Variants in CDC27 observed in about 807,000 individuals in gnomAD.
CDC27 encodes cell division cycle 27.
Under a neutral mutation model 109.7 loss-of-function variants are expected in CDC27, and 27 were observed. The observed-to-expected ratio is 0.25, with a 90% CI of 0.18 to 0.34. The LOEUF is 0.34. Among genes scored for constraint, CDC27 ranks in the 10% least tolerant of loss-of-function variants. CDC27 has a pLI of 1.00. For missense variants in CDC27, 579 were observed against 960.2 expected, an observed-to-expected ratio of 0.60 and a Z score of 5.25; for synonymous variants, 266 against 333.9, an observed-to-expected ratio of 0.80 and a Z score of 2.22.
At chr17:47,174,438 A>C (rs1350097576) in intron 2 of CDC27, among the ~76,000 whole-genome samples, 1 of 152,202 alleles carries the variant, frequency 6.6e-6, no homozygotes, top group Non-Finnish European at 1.5e-5. Context: ...AGAAACAGTT[A>C]TAGATGTTTG....
In CDC27 at chr17:47,132,390, A is replaced by G. The variant is rs200543265; in HGVS notation, c.1914-16T>C. ...TAAACCATACCTGAAAGTATAAAAC[A>G]AAGTATAATTTTAAAAATATAAAGT... On this transcript the variant is annotated splice_polypyrimidine_tract_variant and intron_variant, in intron 14 of 18. Transcript: ENST00000066544. 3 of 1,221,666 alleles carry G rather than the reference A, an allele frequency of 2.5e-6. No individual in the cohort carries two copies. The highest frequency in any genetic ancestry group is 3.5e-6 in the Non-Finnish European group (3 of 857,810). The allele number at this position is 1,221,666 out of a possible 1,614,324, so 75.7% of individuals were successfully genotyped here. A position where few individuals can be genotyped will look rare whatever the true frequency, so the allele number is the denominator to read the frequency against.
At chr17:47,156,439 G>C (rs1428545437) in intron 7 of CDC27, among the ~76,000 whole-genome samples, 1 of 146,756 alleles carries the variant, frequency 6.8e-6, no homozygotes, top group East Asian at 2.1e-4. Flanking sequence ...CGCCTGGCCA[G>C]TCCAATATTC....
At chr17:47,173,894 C>T (rs183402) in intron 2 of CDC27, among the ~76,000 whole-genome samples, 2 of 151,982 alleles carry the variant, frequency 1.3e-5, no homozygotes, top group African/African-American at 4.8e-5. Flanking sequence ...GGAATTCAAG[C>T]CCAGCCTGGC....
chr17:47,157,851 G>A (rs1392167373), intron 5 of CDC27, among the ~76,000 whole-genome samples: 2 of 152,122 alleles, frequency 1.3e-5, no homozygotes, highest in African/African-American at 4.8e-5. Flanking sequence ...TACTGTTCAG[G>A]TCTTGTAAGT....
chr17:47,186,862 C>T (rs2064457452), intron 1 of CDC27, among the ~76,000 whole-genome samples: 1 of 152,090 alleles, frequency 6.6e-6, no homozygotes, highest in African/African-American at 2.4e-5. Context: ...AACAATTTTC[C>T]AACTTACTCT....
chr17:47,133,018 T>G (rs1226415519), intron 14 of CDC27, among the ~76,000 whole-genome samples: 2 of 47,266 alleles, frequency 4.2e-5, no homozygotes, highest in African/African-American at 1.4e-4. Context: ...TATATATATA[T>G]ATATATATAT....
At chr17:47,123,839 TA>T in intron 17 of CDC27, 46 bp downstream of exon 17, 3 of 1,314,560 alleles carry the variant, frequency 2.3e-6, no homozygotes, top group East Asian at 2.4e-5. Context: ...AAAATGTCAT[TA>T]TTTGCTATGA....
chr17:47,133,135 AT>A, intron 14 of CDC27, among the ~76,000 whole-genome samples: 2 of 114,558 alleles, frequency 1.7e-5, no homozygotes, highest in Non-Finnish European at 3.6e-5. Context: ...ATATATATAT[AT>A]AATATATATG....
chr17:47,142,465 T>C, intron 10 of CDC27, 29 bp from the exon 11 acceptor site: 1 of 901,544 alleles, frequency 1.1e-6, no homozygotes, highest in Non-Finnish European at 1.7e-6. Context: ...TTCACACCTG[T>C]TATACTCATG....
At position 47,159,813 on chromosome 17, in the gene CDC27, T is replaced by C. The variant is rs2063439722; in HGVS notation, c.378-1510A>G. ...AAGTCAATGATCTCAGATTCCCTGA[T>C]GGGCAGGGAGAAGAGATAGATCTCC... On this transcript the variant is annotated intron_variant, in intron 4 of 18. Transcript: ENST00000066544. 7.3e-5 allele frequency: 34 copies of C among 464,530 alleles called. 1 individual carries two copies. Among genetic ancestry groups the C allele is most frequent in the South Asian group, 5.2e-4 (32 of 61,550 alleles). The allele number at this position is 464,530 out of a possible 1,614,324, so 28.8% of individuals were successfully genotyped here.
intron 9 of CDC27, among the ~76,000 whole-genome samples, chr17:47,147,276 G>C (rs959015031): frequency 6.6e-6 from 1 of 151,730 alleles, no homozygotes; most frequent in Non-Finnish European, 1.5e-5. Context: ...GCGCGCGCCT[G>C]TAGTCCCAGC....
At chr17:47,131,907 G>C (rs998336329) in intron 15 of CDC27, among the ~76,000 whole-genome samples, 1 of 134,616 alleles carries the variant, frequency 7.4e-6, no homozygotes, top group African/African-American at 2.8e-5. Context: ...CTGACCTTAA[G>C]TGATTCACCT....
intron 18 of CDC27, 67 bp from the exon 19 acceptor site, chr17:47,121,084 C>G: frequency 3.0e-6 from 3 of 1,016,552 alleles, no homozygotes; most frequent in Non-Finnish European, 4.5e-6. Flanking sequence ...TTCATGAAAA[C>G]AAGTAAGAAA....
At chr17:47,178,082 T>G (rs913696823) in intron 2 of CDC27, among the ~76,000 whole-genome samples, 1 of 152,130 alleles carries the variant, frequency 6.6e-6, no homozygotes, top group African/African-American at 2.4e-5. Context: ...GGGAATTTAT[T>G]GGAGGGAGAT....
intron 12 of CDC27, among the ~76,000 whole-genome samples, chr17:47,140,876 C>G (rs2062773362): frequency 6.6e-6 from 1 of 152,192 alleles, no homozygotes; most frequent in Admixed American, 6.5e-5. Flanking sequence ...GGAAAGAACA[C>G]CTTTCCCCTA....
chr17:47,144,593 G>C (rs550297231), intron 9 of CDC27, among the ~76,000 whole-genome samples: 2 of 152,102 alleles, frequency 1.3e-5, no homozygotes, highest in African/African-American at 4.8e-5. Flanking sequence ...TCTTTAGAGC[G>C]AAAGGAGCCT....
rs571887387 is a variant in CDC27 at position 47,119,492 on chromosome 17, C to G, written c.*1443G>C. On this transcript the variant is annotated 3_prime_UTR_variant, in exon 19 of 19. Transcript: ENST00000066544. ...GACTAACAAATACAGGTAAGTTTGTCCTCCATCAAATAATCCAGAATAATA... is the reference window on the plus strand; with the variant it reads ...GACTAACAAATACAGGTAAGTTTGTGCTCCATCAAATAATCCAGAATAATA... 3.1e-4 allele frequency: 47 copies of G among 152,214 alleles called. No homozygotes were observed. The highest frequency in any genetic ancestry group is 1.1e-3 in the African/African-American group (47 of 41,526). 9.4% of individuals were successfully genotyped at this position (152,214 alleles called of 1,614,324 possible).
intron 9 of CDC27, among the ~76,000 whole-genome samples, chr17:47,144,463 C>G (rs2062893648): frequency 6.6e-6 from 1 of 152,140 alleles, no homozygotes. Context: ...AAAGAAAAGA[C>G]AGTTGGGCAA....
In CDC27 at chr17:47,119,420, T is replaced by G. The variant is rs1461529774; in HGVS notation, c.*1515A>C. The G allele has an allele frequency of 1.3e-5, 2 of 152,202 alleles. No homozygotes were observed. The highest frequency in any genetic ancestry group is 2.9e-5 in the Non-Finnish European group (2 of 68,022). 9.4% of individuals were successfully genotyped at this position (152,202 alleles called of 1,614,324 possible). Reference sequence around the variant, plus strand: ...ATAGAAAATTACTGAGTCTACAGACTAAAATTTTTTTCACATCTTTTGTAA... The same window carrying G: ...ATAGAAAATTACTGAGTCTACAGACGAAAATTTTTTTCACATCTTTTGTAA... On this transcript the variant is annotated 3_prime_UTR_variant, in exon 19 of 19. Transcript: ENST00000066544.
Sources: gnomAD v4.1 joint callset for allele counts (sites outside exome capture counted in the v4.1 genomes callset) on GRCh38, gnomAD v4.1.1 for gene constraint, MANE v1.5 for transcripts, NCBI Gene and HGNC (gene_info 2026-07-23, HGNC 2026-07-21) for gene names.